CALN1: variants seen among roughly 807,000 people sequenced by gnomAD.
CALN1 encodes the protein calneuron 1.
A neutral mutation model predicts 30.6 loss-of-function variants in CALN1; 17 were observed. The ratio of observed to expected loss-of-function variants is 0.56; its 90% CI spans 0.38 to 0.83. The LOEUF (loss-of-function observed/expected upper bound fraction) is 0.83. Among genes scored for constraint, CALN1 ranks in the 40% least tolerant of loss-of-function variants. The pLI is 0.00. For synonymous variants in CALN1, 156 were observed against 131.4 expected (o/e 1.19, Z -1.28); for missense variants, 291 against 354.9 (o/e 0.82, Z 1.45).
intron 4 of CALN1, among the ~76,000 whole-genome samples, chr7:72,085,976 A>G (rs538409913): frequency 6.6e-6 from 1 of 152,204 alleles, no homozygotes; most frequent in Non-Finnish European, 1.5e-5. Flanking sequence ...TAGATGTATA[A>G]GGAAAATCAT....
At chr7:72,499,338 A>G in the CALN1 span, among the ~76,000 whole-genome samples, 1 of 152,074 alleles carries the variant, frequency 6.6e-6, no homozygotes, top group Non-Finnish European at 1.5e-5. Context: ...GCCAGCTGAA[A>G]GAAATCTTTT....
intron 3 of CALN1, among the ~76,000 whole-genome samples, chr7:72,179,857 G>A (rs1038490749): frequency 1.3e-5 from 2 of 151,990 alleles, no homozygotes; most frequent in African/African-American, 2.4e-5. Flanking sequence ...GTTATATACT[G>A]ACTCATATTA....
chr7:72,348,717 G>A (rs903059445), intron 2 of CALN1, among the ~76,000 whole-genome samples: 14 of 152,178 alleles, frequency 9.2e-5, no homozygotes, highest in Non-Finnish European at 2.1e-4. Context: ...CCTGGTAGCA[G>A]GAATAAACTA....
intron 3 of CALN1, among the ~76,000 whole-genome samples, chr7:72,168,787 C>CTTA (rs1554463089): frequency 0.098 from 13,246 of 135,014 alleles, 997 homozygotes; most frequent in Non-Finnish European, 0.13. Context: ...AGGATGCCTG[C>CTTA]TTATTATTAT....
intron 2 of CALN1, among the ~76,000 whole-genome samples, chr7:72,362,507 A>G (rs1409150021): frequency 1.3e-5 from 2 of 152,202 alleles, no homozygotes; most frequent in Non-Finnish European, 2.9e-5. Flanking sequence ...CACGCTATCT[A>G]TAAAATACAC....
At chr7:72,413,235 A>G (rs1807290776), upstream of CALN1, among the ~76,000 whole-genome samples, 1 of 150,794 alleles carries the variant, frequency 6.6e-6, no homozygotes, top group South Asian at 2.1e-4. Flanking sequence ...ATATACACTC[A>G]CACACACCAC....
At chr7:72,386,539 G>T (rs1279469578) in intron 2 of CALN1, among the ~76,000 whole-genome samples, 2 of 152,212 alleles carry the variant, frequency 1.3e-5, no homozygotes, top group Admixed American at 6.5e-5. Flanking sequence ...GAGCCAGATT[G>T]CAGTACTGAA....
the CALN1 span, among the ~76,000 whole-genome samples, chr7:72,459,203 C>A: frequency 6.6e-6 from 1 of 151,980 alleles, no homozygotes; most frequent in Admixed American, 6.6e-5. Flanking sequence ...CGCGCCTGGT[C>A]GTATATTTCT....
intron 1 of CALN1, among the ~76,000 whole-genome samples, chr7:72,410,558 G>C (rs1240027887): frequency 6.6e-6 from 1 of 152,254 alleles, no homozygotes; most frequent in East Asian, 1.9e-4. Context: ...ACTGAAATGA[G>C]CTTTTCAAAT....
chr7:72,186,055 G>C (rs569990258), intron 3 of CALN1, among the ~76,000 whole-genome samples: 15 of 152,186 alleles, frequency 9.9e-5, no homozygotes, highest in African/African-American at 3.4e-4. Flanking sequence ...CGGAGGGTGA[G>C]AGAAGGAGAG....
At chr7:71,897,237 T>G (rs1793579746) in intron 5 of CALN1, among the ~76,000 whole-genome samples, 1 of 152,254 alleles carries the variant, frequency 6.6e-6, no homozygotes. Context: ...TGGTGTTTAT[T>G]GTTTTTTGTT....
At chr7:72,327,794 ACT>A (rs1188969841) in intron 2 of CALN1, among the ~76,000 whole-genome samples, 2 of 152,166 alleles carry the variant, frequency 1.3e-5, no homozygotes, top group African/African-American at 2.4e-5. Flanking sequence ...TTTCAGTAAC[ACT>A]CTGAATACTA....
Position 72,437,472 on chromosome 7 carries a change from G to A in CALN1, c.-226+9570C>T, listed in dbSNP as rs576307112. Among the ~76,000 whole-genome samples, 4 of 152,122 alleles carry A rather than the reference G, an allele frequency of 2.6e-5. No homozygotes were observed. The East Asian group carries it at 7.8e-4, about 30-fold the overall frequency. On this transcript the variant is annotated intron_variant, in intron 1 of 6. Transcript: ENST00000395276. ...AAACAAAAGAGAACAATGGCAAGGA[G>A]AAGGGTCTGTCACCAGGAAAAGTTA...
chr7:72,397,988 G>A (rs374489229), intron 2 of CALN1, among the ~76,000 whole-genome samples: 5 of 152,260 alleles, frequency 3.3e-5, no homozygotes, highest in South Asian at 2.1e-4. Flanking sequence ...TTTTAGGGCC[G>A]ATGAGTTCGG....
intron 4 of CALN1, among the ~76,000 whole-genome samples, chr7:72,086,937 A>C (rs1376059769): frequency 6.6e-6 from 1 of 152,184 alleles, no homozygotes; most frequent in East Asian, 1.9e-4. Flanking sequence ...CTTCATCATG[A>C]AGTCAAATAA....
At chr7:72,246,896 A>G (rs997373332) in intron 3 of CALN1, among the ~76,000 whole-genome samples, 2 of 151,914 alleles carry the variant, frequency 1.3e-5, no homozygotes, top group African/African-American at 4.8e-5. Flanking sequence ...CTGGAATTAC[A>G]GGCATGCGCC....
chr7:71,914,662 C>A (rs1018112764), intron 5 of CALN1, among the ~76,000 whole-genome samples: 2 of 152,132 alleles, frequency 1.3e-5, no homozygotes, highest in Non-Finnish European at 2.9e-5. Flanking sequence ...TATACTCCCA[C>A]CAAGAGTATA....
At chr7:71,801,424 G>GTATC (rs1302790129) in intron 6 of CALN1, among the ~76,000 whole-genome samples, 6,375 of 101,372 alleles carry the variant, frequency 0.063, 185 homozygotes, top group Non-Finnish European at 0.071. Context: ...ATGTATGTAT[G>GTATC]TATGTATCTA....
At chr7:72,018,554 C>T (rs1364810380) in intron 5 of CALN1, among the ~76,000 whole-genome samples, 5 of 152,178 alleles carry the variant, frequency 3.3e-5, no homozygotes, top group African/African-American at 1.2e-4. Context: ...AACTGGCTGC[C>T]AAGAGTCTCA....
Sources: allele counts gnomAD v4.1 joint callset (sites outside exome capture counted in the v4.1 genomes callset), GRCh38; gene constraint gnomAD v4.1.1; transcripts MANE v1.5; gene names NCBI Gene and HGNC (gene_info 2026-07-23, HGNC 2026-07-21).